The following MAP2 variants were observed in gnomAD, a reference collection of about 807,000 sequenced individuals.
The protein encoded by MAP2 is microtubule-associated protein 2.
Under a neutral mutation model 137.6 loss-of-function variants are expected in MAP2, and 14 were observed. That is an observed-to-expected ratio of 0.10 (90% CI 0.07 to 0.16). MAP2 has a LOEUF of 0.16. Ranked by LOEUF, MAP2 falls within the 10% of genes least tolerant of loss-of-function variation. MAP2 has a pLI of 1.00. For missense variants in MAP2, 2,088 were observed against 2,191.5 expected, an observed-to-expected ratio of 0.95 and a Z score of 0.94; for synonymous variants, 786 against 782.3, an observed-to-expected ratio of 1.00 and a Z score of -0.08.
chr2:209,682,312 G>A (rs976340509), intron 7 of MAP2, among the ~76,000 whole-genome samples: 14 of 152,062 alleles, frequency 9.2e-5, no homozygotes, highest in African/African-American at 3.4e-4. Context: ...CCAACATGGT[G>A]AAAACCCGTC....
At position 209,696,229 on chromosome 2, in the gene MAP2, C is replaced by G; in HGVS notation, c.4059C>G (p.Ser1353=). The change falls in exon 8 of 16, where the codon TCC becomes TCG. Residue 1353 remains serine, a synonymous_variant. Coordinates refer to ENST00000682079, the MANE Select transcript of MAP2 (RefSeq NM_001375505.1). ...PKDGSPEAPA[S]PEREEVALSE... ...ATGGTTCCCCAGAGGCTCCAGCTTC[C>G]CCTGAGAGAGAAGAGGTTGCACTTT... 1.2e-6 allele frequency: 2 copies of G among 1,613,622 alleles called. No individual in the cohort carries two copies. Among genetic ancestry groups the G allele is most frequent in the Non-Finnish European group, 1.7e-6 (2 of 1,179,872 alleles).
At chr2:209,461,048 CA>C (rs1320032142) in intron 1 of MAP2, among the ~76,000 whole-genome samples, 2 of 151,784 alleles carry the variant, frequency 1.3e-5, no homozygotes, top group East Asian at 3.9e-4. Flanking sequence ...TGTGCCCGGC[CA>C]AAAAATGGAA....
At chr2:209,548,095 G>A (rs868262017) in intron 2 of MAP2, among the ~76,000 whole-genome samples, 1 of 152,184 alleles carries the variant, frequency 6.6e-6, no homozygotes, top group South Asian at 2.1e-4. Flanking sequence ...AAAGTGTCCT[G>A]ATTGCTTCAG....
At chr2:209,476,657 G>C (rs1437965767) in intron 1 of MAP2, among the ~76,000 whole-genome samples, 1 of 152,120 alleles carries the variant, frequency 6.6e-6, no homozygotes, top group African/African-American at 2.4e-5. Flanking sequence ...ATATGATTAA[G>C]TGCTCTTCAT....
chr2:209,560,536 G>A (rs2071789871), intron 2 of MAP2, among the ~76,000 whole-genome samples: 1 of 149,914 alleles, frequency 6.7e-6, no homozygotes, highest in Non-Finnish European at 1.5e-5. Flanking sequence ...GTGGAGTGCA[G>A]TGGTGTGCTC....
chr2:209,542,718 C>T (rs372789310), intron 2 of MAP2, among the ~76,000 whole-genome samples: 24 of 152,334 alleles, frequency 1.6e-4, no homozygotes, highest in African/African-American at 5.8e-4. Context: ...CCTCATGAAC[C>T]AACCTCTGCT....
chr2:209,626,001 G>A (rs2092250182), intron 4 of MAP2, among the ~76,000 whole-genome samples: 1 of 152,014 alleles, frequency 6.6e-6, no homozygotes, highest in Non-Finnish European at 1.5e-5. Context: ...TTTCAATTTA[G>A]TTTTTTTAAA....
At position 209,694,937 on chromosome 2, in the gene MAP2, G is replaced by C. The variant is rs142105837; in HGVS notation, c.2767G>C (p.Gly923Arg). 1 of 1,614,112 alleles carries C rather than the reference G, an allele frequency of 6.2e-7. No individual in the cohort carries two copies. Among genetic ancestry groups the C allele is most frequent in the Admixed American group, 1.7e-5 (1 of 60,014 alleles). Residue 923 changes from glycine (G) to arginine (R), a missense_variant, in exon 8 of 16, where the codon GGA (glycine) becomes CGA (arginine). Physicochemically the swap from Gly to Arg is moderately radical, Grantham distance 125 (BLOSUM62 -2). This residue lies in a region of MAP2 where 500 missense variants were observed against 482.9 expected (regional missense o/e 1.04). Transcript: ENST00000682079. The part of the protein sequence containing the change: ...SLIEVKLAAA[G>R]RVKDEFSVDK... Reference sequence around the variant, plus strand: ...GATTGAAGTGAAACTGGCAGCAGCCGGAAGAGTCAAAGATGAGTTCAGTGT... The same window carrying C: ...GATTGAAGTGAAACTGGCAGCAGCCCGAAGAGTCAAAGATGAGTTCAGTGT...
intron 7 of MAP2, among the ~76,000 whole-genome samples, chr2:209,686,244 T>C (rs1421139635): frequency 1.3e-5 from 2 of 152,222 alleles, no homozygotes; most frequent in Non-Finnish European, 2.9e-5. Flanking sequence ...GCATTGTGGC[T>C]GAGAAAGTTC....
intron 1 of MAP2, among the ~76,000 whole-genome samples, chr2:209,496,319 A>G (rs1175812753): frequency 6.6e-6 from 1 of 152,184 alleles, no homozygotes; most frequent in African/African-American, 2.4e-5. Flanking sequence ...ATTAAGAACA[A>G]TATGGGCTTA....
intron 2 of MAP2, among the ~76,000 whole-genome samples, chr2:209,525,540 A>C (rs1262609629): frequency 6.6e-6 from 1 of 152,306 alleles, no homozygotes; most frequent in Admixed American, 6.5e-5. Context: ...AAGCAAGCCC[A>C]TTCCTGCATG....
chr2:209,731,804 A>G lies in MAP2; in HGVS notation c.*1407A>G, dbSNP rs2075812303. Reference sequence around the variant, plus strand: ...AAAGAAAAAATACAATACTTTGGGAAGCTATAGCTATAAAACACTTGAGAC... The same window carrying G: ...AAAGAAAAAATACAATACTTTGGGAGGCTATAGCTATAAAACACTTGAGAC... On this transcript the variant is annotated 3_prime_UTR_variant, in exon 16 of 16. Transcript: ENST00000682079. The G allele has an allele frequency of 6.6e-6, 1 of 152,198 alleles. No homozygotes were observed. The highest frequency in any genetic ancestry group is 2.1e-4 in the South Asian group (1 of 4,822). 9.4% of individuals were successfully genotyped at this position (152,198 alleles called of 1,614,324 possible).
In MAP2 at chr2:209,562,928, C is replaced by T. The variant is rs566762253; in HGVS notation, c.-171-17108C>T. ...ATTAATGTTAGTTATCCACACATCT[C>T]AGGATATTAAAAGACTAAGAAATAC... On this transcript the variant is annotated intron_variant, in intron 2 of 15. Coordinates refer to ENST00000682079, the MANE Select transcript of MAP2 (RefSeq NM_001375505.1). Among the ~76,000 whole-genome samples the T allele has an allele frequency of 2.6e-5, 4 of 152,256 alleles. No individual in the cohort carries two copies. In the South Asian group the frequency reaches 8.3e-4, roughly 32 times the overall value.
intron 5 of MAP2, among the ~76,000 whole-genome samples, chr2:209,670,138 T>A (rs887584798): frequency 5.9e-5 from 9 of 151,990 alleles, no homozygotes; most frequent in Non-Finnish European, 7.4e-5. Context: ...GTGTTAAAAC[T>A]ATTGAAAATT....
chr2:209,516,992 A>G (rs556168676), intron 2 of MAP2, among the ~76,000 whole-genome samples: 2 of 152,270 alleles, frequency 1.3e-5, no homozygotes, highest in Admixed American at 1.3e-4. Flanking sequence ...AGTGTTGTAC[A>G]ACACAAAAAT....
intron 1 of MAP2, among the ~76,000 whole-genome samples, chr2:209,494,030 A>G (rs1380561347): frequency 2.6e-5 from 4 of 152,196 alleles, no homozygotes; most frequent in Non-Finnish European, 5.9e-5. Flanking sequence ...CTTGGAACCA[A>G]CCAAAATGCC....
intron 3 of MAP2, among the ~76,000 whole-genome samples, chr2:209,599,815 C>T (rs1355559377): frequency 4.6e-5 from 7 of 151,998 alleles, no homozygotes; most frequent in Non-Finnish European, 1.0e-4. Context: ...TTCAGATCCT[C>T]ATCAACTGTG....
At chr2:209,723,897 T>C (rs562282556) in intron 13 of MAP2, among the ~76,000 whole-genome samples, 5 of 152,296 alleles carry the variant, frequency 3.3e-5, no homozygotes, top group East Asian at 1.9e-4. Flanking sequence ...AATTTCCTGC[T>C]TTGATTTGGG....
At chr2:209,597,751 C>T (rs1193744370) in intron 3 of MAP2, among the ~76,000 whole-genome samples, 3 of 151,664 alleles carry the variant, frequency 2.0e-5, no homozygotes, top group African/African-American at 2.4e-5. Context: ...TTTTTGTTTT[C>T]GTTTTTTGGC....
Sources: gnomAD v4.1 joint callset for allele counts (sites outside exome capture counted in the v4.1 genomes callset) on GRCh38, gnomAD v4.1.1 for gene constraint, gnomAD v4.1.1 regional missense constraint, MANE v1.5 for transcripts, NCBI Gene and HGNC (gene_info 2026-07-23, HGNC 2026-07-21) for gene names.